The following L3MBTL4 variants were observed in gnomAD, a reference collection of about 807,000 sequenced individuals.
L3MBTL4 encodes the protein L3MBTL histone methyl-lysine binding protein 4, also known as lethal(3)malignant brain tumor-like protein 4.
L3MBTL4 carries 70 observed loss-of-function variants against 84.5 expected under a neutral mutation model. The observed-to-expected ratio is 0.83, with a 90% CI of 0.68 to 1.01. The LOEUF (loss-of-function observed/expected upper bound fraction) is 1.01, where lower values mean the gene tolerates loss of function less well. Ranked by LOEUF, L3MBTL4 falls within the 50% of genes least tolerant of loss-of-function variation. The pLI is 0.00. For synonymous variants in L3MBTL4, 274 were observed against 259.8 expected (o/e 1.05, Z -0.52); for missense variants, 715 against 754.8 (o/e 0.95, Z 0.62).
At chr18:6,224,436 AG>A (rs2046691030) in intron 10 of L3MBTL4, among the ~76,000 whole-genome samples, 1 of 152,236 alleles carries the variant, frequency 6.6e-6, no homozygotes, top group Non-Finnish European at 1.5e-5. Context: ...GACCCCACGA[AG>A]TCATCTACCT....
chr18:6,406,440 T>C (rs2055739293), intron 1 of L3MBTL4, among the ~76,000 whole-genome samples: 1 of 152,204 alleles, frequency 6.6e-6, no homozygotes, highest in Non-Finnish European at 1.5e-5. Context: ...TGCTTTTCGA[T>C]TCATATTCTG....
chr18:6,121,985 A>G (rs1483097549), intron 14 of L3MBTL4, among the ~76,000 whole-genome samples: 1 of 152,174 alleles, frequency 6.6e-6, no homozygotes, highest in African/African-American at 2.4e-5. Context: ...CGGGAATAGG[A>G]GAAAGAGTAT....
At chr18:6,128,880 C>T (rs923047475) in intron 14 of L3MBTL4, among the ~76,000 whole-genome samples, 2 of 152,106 alleles carry the variant, frequency 1.3e-5, no homozygotes, top group East Asian at 1.9e-4. Context: ...GGGCAGAGGG[C>T]TATCTTTGAG....
intron 12 of L3MBTL4, among the ~76,000 whole-genome samples, chr18:6,206,185 A>C (rs912629592): frequency 6.6e-6 from 1 of 152,246 alleles, no homozygotes. Flanking sequence ...TCAAAGGTCC[A>C]TTAACCCTTG....
At chr18:6,212,656 G>GAACAATTAAA (rs1408469123) in intron 12 of L3MBTL4, among the ~76,000 whole-genome samples, 1 of 152,162 alleles carries the variant, frequency 6.6e-6, no homozygotes, top group Non-Finnish European at 1.5e-5. Flanking sequence ...TTCTTGGTAA[G>GAACAATTAAA]CTGTTTAATA....
chr18:6,276,962 G>A (rs1380286597), intron 4 of L3MBTL4, among the ~76,000 whole-genome samples: 1 of 151,878 alleles, frequency 6.6e-6, no homozygotes, highest in African/African-American at 2.4e-5. Context: ...AAAAATGAGA[G>A]TAAAATAACA....
intron 14 of L3MBTL4, among the ~76,000 whole-genome samples, chr18:6,110,657 T>C (rs1381780482): frequency 1.3e-5 from 2 of 151,702 alleles, no homozygotes; most frequent in Non-Finnish European, 2.9e-5. Flanking sequence ...GTGTGGTGTG[T>C]TTGCAGGTGG....
intron 13 of L3MBTL4, among the ~76,000 whole-genome samples, chr18:6,160,629 T>C (rs796656820): frequency 1.0e-4 from 15 of 149,468 alleles, no homozygotes; most frequent in African/African-American, 3.7e-4. Context: ...TACCCAAGAG[T>C]ATGAGACAGG....
intron 16 of L3MBTL4, among the ~76,000 whole-genome samples, chr18:6,038,414 C>T (rs913567076): frequency 1.9e-4 from 29 of 151,978 alleles, no homozygotes; most frequent in African/African-American, 5.8e-4. Flanking sequence ...CCACCGCGAC[C>T]GGTTAACTTT....
chr18:6,038,487 C>A, intron 16 of L3MBTL4, among the ~76,000 whole-genome samples: 1 of 152,048 alleles, frequency 6.6e-6, no homozygotes, highest in Non-Finnish European at 1.5e-5. Flanking sequence ...ATCTCCTGAC[C>A]TCATGATCCT....
chr18:6,104,641 G>A, intron 14 of L3MBTL4, among the ~76,000 whole-genome samples: 1 of 152,166 alleles, frequency 6.6e-6, no homozygotes, highest in Non-Finnish European at 1.5e-5. Context: ...TTAAGTTCTA[G>A]AGATCTGCTG....
At chr18:6,040,439 G>T (rs1301513491) in intron 16 of L3MBTL4, among the ~76,000 whole-genome samples, 5 of 152,124 alleles carry the variant, frequency 3.3e-5, no homozygotes, top group African/African-American at 1.2e-4. Context: ...AATGTCTATA[G>T]CATTGAGATA....
chr18:6,114,921 A>G (rs1217813040), intron 14 of L3MBTL4, among the ~76,000 whole-genome samples: 1 of 152,188 alleles, frequency 6.6e-6, no homozygotes, highest in Non-Finnish European at 1.5e-5. Flanking sequence ...GTGCTTTGGG[A>G]GACACAGAGG....
chr18:6,047,067 T>C (rs948141482), intron 16 of L3MBTL4, among the ~76,000 whole-genome samples: 1 of 152,026 alleles, frequency 6.6e-6, no homozygotes, highest in Admixed American at 6.6e-5. Context: ...TAGATGACAC[T>C]ACAACCAATC....
At chr18:6,027,039 C>T (rs1037182387) in intron 16 of L3MBTL4, among the ~76,000 whole-genome samples, 10 of 152,082 alleles carry the variant, frequency 6.6e-5, no homozygotes, top group African/African-American at 1.9e-4. Flanking sequence ...TTGTTTTTTA[C>T]TTTAAGTTCT....
At chr18:6,053,397 T>C (rs755941268) in intron 16 of L3MBTL4, among the ~76,000 whole-genome samples, 1 of 152,180 alleles carries the variant, frequency 6.6e-6, no homozygotes, top group Admixed American at 6.5e-5. Context: ...GAGTCACTTA[T>C]GTCCAATCCT....
intron 14 of L3MBTL4, among the ~76,000 whole-genome samples, chr18:6,122,079 C>A (rs1463378477): frequency 1.3e-5 from 2 of 152,118 alleles, no homozygotes; most frequent in African/African-American, 2.4e-5. Context: ...ACTATCTGTC[C>A]AAGGCTCGCT....
At chr18:6,386,203 A>T (rs990138101) in intron 1 of L3MBTL4, among the ~76,000 whole-genome samples, 1 of 152,350 alleles carries the variant, frequency 6.6e-6, no homozygotes, top group African/African-American at 2.4e-5. Context: ...TTAAAGAATG[A>T]GAAAGATTCC....
chr18:6,206,466 C>T (rs1028845491), intron 12 of L3MBTL4, among the ~76,000 whole-genome samples: 2 of 152,086 alleles, frequency 1.3e-5, no homozygotes, highest in Admixed American at 6.5e-5. Context: ...CACTAGATCT[C>T]GCAGGTCAGG....
Sources: allele counts gnomAD v4.1 joint callset (sites outside exome capture counted in the v4.1 genomes callset), GRCh38; gene constraint gnomAD v4.1.1; transcripts MANE v1.5; gene names NCBI Gene and HGNC (gene_info 2026-07-23, HGNC 2026-07-21).